The following CADPS variants were observed in gnomAD, a reference collection of about 807,000 sequenced individuals.
CADPS encodes the protein calcium dependent secretion activator.
CADPS carries 57 observed loss-of-function variants against 167.3 expected under a neutral mutation model. That is an observed-to-expected ratio of 0.34 (90% CI 0.28 to 0.42). The LOEUF (loss-of-function observed/expected upper bound fraction) is 0.42. CADPS is among the 20% of genes least tolerant of loss of function. CADPS has a pLI of 1.00. For missense variants in CADPS, 1,414 were observed against 1,738.1 expected (o/e 0.81, Z 3.32); for synonymous variants, 676 against 635.3 (o/e 1.06, Z -0.96).
chr3:62,610,283 C>T (rs1438865025), intron 6 of CADPS, among the ~76,000 whole-genome samples: 1 of 149,948 alleles, frequency 6.7e-6, no homozygotes, highest in African/African-American at 2.5e-5. Flanking sequence ...TGGAGTCTTA[C>T]TCTGTCACCC....
chr3:62,670,480 G>A (rs1436822382), intron 3 of CADPS, among the ~76,000 whole-genome samples: 2 of 151,996 alleles, frequency 1.3e-5, no homozygotes, highest in African/African-American at 4.8e-5. Flanking sequence ...GAAGACCTTG[G>A]GTAGGTCAAA....
intron 1 of CADPS, among the ~76,000 whole-genome samples, chr3:62,818,717 C>T (rs866968101): frequency 8.5e-5 from 13 of 152,094 alleles, no homozygotes; most frequent in African/African-American, 2.2e-4. Flanking sequence ...CACAGAAAAA[C>T]GTATATGAGA....
chr3:62,666,580 T>C (rs1240605010), intron 3 of CADPS, among the ~76,000 whole-genome samples: 1 of 152,118 alleles, frequency 6.6e-6, no homozygotes, highest in East Asian at 1.9e-4. Flanking sequence ...CTTTACCTAA[T>C]TAGACAAATA....
chr3:62,784,929 A>G (rs1022510787), intron 1 of CADPS, among the ~76,000 whole-genome samples: 3 of 152,192 alleles, frequency 2.0e-5, no homozygotes, highest in East Asian at 1.9e-4. Flanking sequence ...ATATTTGAGG[A>G]TATTAAAGAG....
chr3:62,792,324 C>T (rs1180013461), intron 1 of CADPS, among the ~76,000 whole-genome samples: 3 of 151,870 alleles, frequency 2.0e-5, no homozygotes, highest in Admixed American at 1.3e-4. Flanking sequence ...TCACCTTAGC[C>T]TCCTGAGCAG....
At chr3:62,717,828 C>G (rs2084973450) in intron 3 of CADPS, among the ~76,000 whole-genome samples, 1 of 152,176 alleles carries the variant, frequency 6.6e-6, no homozygotes, top group Admixed American at 6.5e-5. Context: ...CCATCATTAA[C>G]TACCTGATTG....
intron 10 of CADPS, chr3:62,551,033 G>T (rs767711802): frequency 4.7e-6 from 2 of 423,120 alleles, no homozygotes; most frequent in Non-Finnish European, 9.5e-6. Flanking sequence ...TTCCTTAGAA[G>T]CACCCTCTCT....
intron 8 of CADPS, among the ~76,000 whole-genome samples, chr3:62,572,437 T>C (rs547867046): frequency 6.6e-6 from 1 of 152,218 alleles, no homozygotes; most frequent in East Asian, 1.9e-4. Context: ...CGAGAATGAT[T>C]TTCATCCTAT....
intron 3 of CADPS, among the ~76,000 whole-genome samples, chr3:62,693,275 G>A (rs1375580627): frequency 6.6e-6 from 1 of 151,840 alleles, no homozygotes; most frequent in African/African-American, 2.4e-5. Context: ...CTTCTGATGA[G>A]CCACGATTAT....
At position 62,408,942 on chromosome 3, in the gene CADPS, C is replaced by T. The variant is rs1038443381; in HGVS notation, c.3778-5757G>A. On this transcript the variant is annotated intron_variant, in intron 28 of 29. Coordinates refer to ENST00000383710, the MANE Select transcript of CADPS (RefSeq NM_003716.4). ...GTTTTCAGCAAAGTACTATTTTGTA[C>T]AGGATTCCTAATATACACCCATATG... Among the ~76,000 whole-genome samples the T allele has an allele frequency of 7.2e-5, 11 of 152,358 alleles. No individual in the cohort carries two copies. The East Asian group carries it at 9.6e-4, about 13-fold the overall frequency.
Position 62,700,382 on chromosome 3 carries a change from C to T in CADPS, c.889-37988G>A, listed in dbSNP as rs190514950. On this transcript the variant is annotated intron_variant, in intron 3 of 29. Transcript: ENST00000383710. ...TTGGTTTTCATCTTGGTAGCTATCT[C>T]TTGGATTACTCAGGTTATTAAGTTA... Among the ~76,000 whole-genome samples the T allele has an allele frequency of 2.9e-3, 436 of 152,178 alleles. 3 individuals carry two copies. Among genetic ancestry groups the T allele is most frequent in the Middle Eastern group, 0.014 (4 of 294 alleles).
chr3:62,834,633 G>C (rs1044139268), intron 1 of CADPS, among the ~76,000 whole-genome samples: 1 of 152,122 alleles, frequency 6.6e-6, no homozygotes, highest in Non-Finnish European at 1.5e-5. Context: ...GTGAGGCTTA[G>C]ATACAATATT....
chr3:62,790,677 T>A (rs374852947), intron 1 of CADPS, among the ~76,000 whole-genome samples: 2 of 152,154 alleles, frequency 1.3e-5, no homozygotes, highest in South Asian at 4.1e-4. Flanking sequence ...AATGAAAGGA[T>A]TGGAAAAAGT....
At chr3:62,681,077 C>T (rs1380808430) in intron 3 of CADPS, among the ~76,000 whole-genome samples, 1 of 152,042 alleles carries the variant, frequency 6.6e-6, no homozygotes, top group South Asian at 2.1e-4. Context: ...CCTGTCTTTG[C>T]TGACACAGTT....
chr3:62,423,566 T>C (rs2051949125), intron 28 of CADPS, among the ~76,000 whole-genome samples: 1 of 152,272 alleles, frequency 6.6e-6, no homozygotes, highest in East Asian at 1.9e-4. Context: ...TACATGGCTA[T>C]TCTTGTGGTC....
intron 1 of CADPS, among the ~76,000 whole-genome samples, chr3:62,858,324 A>C (rs915297603): frequency 6.6e-6 from 1 of 152,174 alleles, no homozygotes; most frequent in African/African-American, 2.4e-5. Context: ...TGCCAGTACC[A>C]ATTATGATAC....
chr3:62,863,342 G>A (rs59180029), intron 1 of CADPS, among the ~76,000 whole-genome samples: 2 of 152,216 alleles, frequency 1.3e-5, no homozygotes, highest in African/African-American at 4.8e-5. Context: ...GGATTGGGAT[G>A]ATTAGCACCT....
At chr3:62,622,927 A>G (rs1014820887) in intron 6 of CADPS, among the ~76,000 whole-genome samples, 3 of 152,204 alleles carry the variant, frequency 2.0e-5, no homozygotes, top group Non-Finnish European at 4.4e-5. Flanking sequence ...ATGTTCATGA[A>G]CACACTAAGT....
chr3:62,641,696 C>A (rs115363677), intron 6 of CADPS, among the ~76,000 whole-genome samples: 1 of 152,006 alleles, frequency 6.6e-6, no homozygotes. Context: ...AAAACTTGAT[C>A]GTATATTCTC....
Sources: gnomAD v4.1 joint callset for allele counts (sites outside exome capture counted in the v4.1 genomes callset) on GRCh38, gnomAD v4.1.1 for gene constraint, MANE v1.5 for transcripts, NCBI Gene and HGNC (gene_info 2026-07-23, HGNC 2026-07-21) for gene names.